SPRING1: variants seen among roughly 807,000 people sequenced by gnomAD.
SPRING1 encodes SREBF pathway regulator in golgi 1.
Under a neutral mutation model 24.7 loss-of-function variants are expected in SPRING1, and 14 were observed. The ratio of observed to expected loss-of-function variants is 0.57; its 90% CI spans 0.37 to 0.88. SPRING1 has a LOEUF of 0.88. SPRING1 is among the 40% of genes least tolerant of loss of function. The probability of loss-of-function intolerance (pLI) is 0.00; values close to 1 mark genes in which losing one functional copy is unlikely to be tolerated. For missense variants in SPRING1, 255 were observed against 268.4 expected, an observed-to-expected ratio of 0.95 and a Z score of 0.35; for synonymous variants, 93 against 106.1, an observed-to-expected ratio of 0.88 and a Z score of 0.76.
In SPRING1 at chr12:116,711,075, G is replaced by A. The variant is rs1163633552; in HGVS notation, c.*6735C>T. ...GGAAACATCCCTGAGAATATATAAT[G>A]TCATCACATTTACTATTCAAATTAG... is the stretch of plus-strand genomic sequence containing the variant. On this transcript the variant is annotated 3_prime_UTR_variant, in exon 5 of 5. Coordinates refer to ENST00000261318, the MANE Select transcript of SPRING1 (RefSeq NM_024738.4). 6.6e-6 allele frequency: 1 copy of A among 151,688 alleles called. No homozygotes were observed. The highest frequency in any genetic ancestry group is 6.6e-5 in the Admixed American group (1 of 15,212). The allele number at this position is 151,688 out of a possible 1,614,324, so 9.4% of individuals were successfully genotyped here. A position where few individuals can be genotyped will look rare whatever the true frequency, so the allele number is the denominator to read the frequency against.
rs1869975284 is a variant in SPRING1, at chr12:116,713,761, C to T, written c.*4049G>A. 1 of 152,232 alleles carries T rather than the reference C, an allele frequency of 6.6e-6. No individual in the cohort carries two copies. Among genetic ancestry groups the T allele is most frequent in the South Asian group, 2.1e-4 (1 of 4,820 alleles). The allele number at this position is 152,232 out of a possible 1,614,324, so 9.4% of individuals were successfully genotyped here. On this transcript the variant is annotated 3_prime_UTR_variant, in exon 5 of 5. Transcript: ENST00000261318. ...GGCCACACAAATGCATTACACAGGC[C>T]TCTATGTAACATAGGATATTCATTA...
intron 1 of SPRING1, among the ~76,000 whole-genome samples, chr12:116,729,911 A>T (rs560926772): frequency 5.9e-5 from 9 of 152,028 alleles, no homozygotes; most frequent in African/African-American, 9.6e-5. Flanking sequence ...TTATTTATTT[A>T]TTTTTTGAGA....
chr12:116,738,069 C>T lies in SPRING1; in HGVS notation c.-169G>A. ...CAGCCTTGGGCGCAGCCCCACGTGA[C>T]CCCGCCCTACGCCCCGCCTCCGCTC... On this transcript the variant is annotated 5_prime_UTR_variant, in exon 1 of 5. Transcript: ENST00000261318. The T allele has an allele frequency of 2.8e-6, 3 of 1,072,652 alleles. No individual in the cohort carries two copies. The highest frequency in any genetic ancestry group is 3.4e-6 in the Non-Finnish European group (3 of 887,794). 66.4% of individuals were successfully genotyped at this position (1,072,652 alleles called of 1,614,324 possible). A position where few individuals can be genotyped will look rare whatever the true frequency, so the allele number is the denominator to read the frequency against.
chr12:116,721,740 T>C (rs1870445251), intron 2 of SPRING1, among the ~76,000 whole-genome samples: 6 of 152,256 alleles, frequency 3.9e-5, no homozygotes, highest in Admixed American at 3.3e-4. Flanking sequence ...GTTAGCATTT[T>C]CCTCAAAATT....
chr12:116,731,482 T>C (rs1870972302), intron 1 of SPRING1, among the ~76,000 whole-genome samples: 1 of 152,160 alleles, frequency 6.6e-6, no homozygotes, highest in Non-Finnish European at 1.5e-5. Context: ...CAGTAGCTCA[T>C]GCCTATGATT....
rs1426541364 is a variant in SPRING1, at chr12:116,728,062, C to G, written c.112-4839G>C. 6.6e-6 allele frequency among the ~76,000 whole-genome samples: 1 copy of G among 152,106 alleles called. No homozygotes were observed. The highest frequency in any genetic ancestry group is 1.5e-5 in the Non-Finnish European group (1 of 68,040). ...ATTTTCAAGGAGTTATGCAAACAGC[C>G]CTGAGACTTTCAGGAGCTGCACCAC... On this transcript the variant is annotated intron_variant, in intron 1 of 4. Transcript: ENST00000261318. The surrounding 1 kb of genome is among the most constrained non-coding windows in gnomAD (Gnocchi z 4.2).
Position 116,720,650 on chromosome 12 carries a change from C to T in SPRING1, c.269-203G>A, listed in dbSNP as rs1253889605. On this transcript the variant is annotated intron_variant, in intron 2 of 4. Coordinates refer to ENST00000261318, the MANE Select transcript of SPRING1 (RefSeq NM_024738.4). The surrounding 1 kb of genome is among the most constrained non-coding windows in gnomAD (Gnocchi z 4.0). Reference sequence around the variant, plus strand: ...AGTCGTTTCCAGGAAGCAGGCACTCCCCTGTTATCGCCAGGCTACACGTCG... The same window carrying T: ...AGTCGTTTCCAGGAAGCAGGCACTCTCCTGTTATCGCCAGGCTACACGTCG... Among the ~76,000 whole-genome samples the T allele has an allele frequency of 7.1e-6, 1 of 141,006 alleles. No homozygotes were observed. The highest frequency in any genetic ancestry group is 2.6e-5 in the African/African-American group (1 of 39,028). 92.5% of individuals were successfully genotyped at this position (141,006 alleles called of 152,430 possible). A position where few individuals can be genotyped will look rare whatever the true frequency, so the allele number is the denominator to read the frequency against.
At position 116,720,166 on chromosome 12, in the gene SPRING1, T is replaced by C. The variant is rs1870354977; in HGVS notation, c.420+130A>G. ...TAGATAAAAGCTATTGTGCAGCAAT[T>C]TCTGACACCTACAAAGCTCCTTTCT... On this transcript the variant is annotated intron_variant, in intron 3 of 4. Transcript: ENST00000261318. The surrounding 1 kb of genome is among the most constrained non-coding windows in gnomAD (Gnocchi z 4.0). The C allele has an allele frequency of 8.1e-7, 1 of 1,233,004 alleles. No homozygotes were observed. The highest frequency in any genetic ancestry group is 1.5e-5 in the African/African-American group (1 of 65,344). 76.4% of individuals were successfully genotyped at this position (1,233,004 alleles called of 1,614,324 possible). A position where few individuals can be genotyped will look rare whatever the true frequency, so the allele number is the denominator to read the frequency against.
rs1483531787 is a variant in SPRING1, at chr12:116,713,766, T to C, written c.*4044A>G. The C allele has an allele frequency of 6.6e-6, 1 of 152,214 alleles. No homozygotes were observed. Among genetic ancestry groups the C allele is most frequent in the East Asian group, 1.9e-4 (1 of 5,204 alleles). The allele number at this position is 152,214 out of a possible 1,614,324, so 9.4% of individuals were successfully genotyped here. ...CACAAATGCATTACACAGGCCTCTA[T>C]GTAACATAGGATATTCATTAGAGAA... On this transcript the variant is annotated 3_prime_UTR_variant, in exon 5 of 5. Coordinates refer to ENST00000261318, the MANE Select transcript of SPRING1 (RefSeq NM_024738.4).
chr12:116,720,940 T>C lies in SPRING1; in HGVS notation c.269-493A>G, dbSNP rs971815857. On this transcript the variant is annotated intron_variant, in intron 2 of 4. Coordinates refer to ENST00000261318, the MANE Select transcript of SPRING1 (RefSeq NM_024738.4). This position sits in a 1 kb window ranked among gnomAD's most constrained non-coding sequence, Gnocchi z 4.0. The stretch of plus-strand genomic sequence containing the variant: ...AGATGCTCGCTGCATACTGACTAAT[T>C]TGGAGATTACAAAAATAGAAATATT... Among the ~76,000 whole-genome samples the C allele has an allele frequency of 6.6e-6, 1 of 152,206 alleles. No homozygotes were observed. The highest frequency in any genetic ancestry group is 1.5e-5 in the Non-Finnish European group (1 of 68,032).
chr12:116,725,810 C>T (rs968193034), intron 1 of SPRING1, among the ~76,000 whole-genome samples: 1 of 151,568 alleles, frequency 6.6e-6, no homozygotes, highest in Non-Finnish European at 1.5e-5. Context: ...GGCATGAACC[C>T]GGGAGGCGGA....
chr12:116,726,603 A>G (rs935159590), intron 1 of SPRING1, among the ~76,000 whole-genome samples: 4 of 152,156 alleles, frequency 2.6e-5, no homozygotes, highest in Non-Finnish European at 5.9e-5. Context: ...GGGACAAATC[A>G]CTTAGGTGCA....
At chr12:116,727,977 A>G (rs1870785358) in intron 1 of SPRING1, among the ~76,000 whole-genome samples, 1 of 152,216 alleles carries the variant, frequency 6.6e-6, no homozygotes, top group Admixed American at 6.5e-5. Flanking sequence ...CACTCTAGAC[A>G]GTATCTAACT....
intron 2 of SPRING1, among the ~76,000 whole-genome samples, chr12:116,722,428 T>A (rs1870478824): frequency 6.6e-6 from 1 of 152,170 alleles, no homozygotes; most frequent in African/African-American, 2.4e-5. Flanking sequence ...ATGTCACACA[T>A]CCTGTAAGAA....
In SPRING1 at chr12:116,729,345, C is replaced by T. The variant is rs143179421; in HGVS notation, c.112-6122G>A. On this transcript the variant is annotated intron_variant, in intron 1 of 4. Coordinates refer to ENST00000261318, the MANE Select transcript of SPRING1 (RefSeq NM_024738.4). Reference sequence around the variant, plus strand: ...AGCATACTTGACACTAAATACTACACCAGAATTTGACAGCTGCAGGTTCCT... The same window carrying T: ...AGCATACTTGACACTAAATACTACATCAGAATTTGACAGCTGCAGGTTCCT... 1.2e-3 allele frequency among the ~76,000 whole-genome samples: 182 copies of T among 152,326 alleles called. 2 individuals carry two copies. The highest frequency in any genetic ancestry group is 4.2e-3 in the African/African-American group (174 of 41,566).
chr12:116,735,649 C>T (rs959400581), intron 1 of SPRING1, among the ~76,000 whole-genome samples: 11 of 151,442 alleles, frequency 7.3e-5, no homozygotes, highest in Non-Finnish European at 1.0e-4. Context: ...GGGAGAACTG[C>T]TTGAACCCGA....
intron 1 of SPRING1, among the ~76,000 whole-genome samples, chr12:116,731,957 A>G (rs1274651665): frequency 6.6e-6 from 1 of 152,152 alleles, no homozygotes; most frequent in African/African-American, 2.4e-5. Flanking sequence ...GACAGTTCAC[A>G]TTGTATAAGC....
chr12:116,724,639 T>C (rs952655458), intron 1 of SPRING1, among the ~76,000 whole-genome samples: 10 of 152,150 alleles, frequency 6.6e-5, no homozygotes, highest in Admixed American at 5.2e-4. Context: ...ATCACACCAC[T>C]GCACTCCAGC....
intron 1 of SPRING1, among the ~76,000 whole-genome samples, chr12:116,732,686 GAC>G (rs1339378911): frequency 1.3e-5 from 2 of 152,204 alleles, no homozygotes; most frequent in African/African-American, 4.8e-5. Context: ...CAGCCTGGGT[GAC>G]AGAGTGAGAC....
Sources: gnomAD v4.1 joint callset for allele counts (sites outside exome capture counted in the v4.1 genomes callset) on GRCh38, gnomAD v4.1.1 for gene constraint, Gnocchi (gnomAD v3.1) non-coding constraint, MANE v1.5 for transcripts, NCBI Gene and HGNC (gene_info 2026-07-23, HGNC 2026-07-21) for gene names.